The following COP1 variants were observed in gnomAD, a reference collection of about 807,000 sequenced individuals.
COP1 encodes E3 ubiquitin-protein ligase COP1.
COP1 carries 24 observed loss-of-function variants against 101.3 expected under a neutral mutation model. The ratio of observed to expected loss-of-function variants is 0.24; its 90% CI spans 0.17 to 0.33. The LOEUF is 0.33. COP1 is among the 10% of genes least tolerant of loss of function. COP1 has a pLI of 1.00. For missense variants in COP1, 663 were observed against 906.2 expected (o/e 0.73, Z 3.45); for synonymous variants, 347 against 341.9 (o/e 1.01, Z -0.17).
intron 18 of COP1, among the ~76,000 whole-genome samples, chr1:175,959,719 A>T (rs142508386): frequency 6.6e-6 from 1 of 152,234 alleles, no homozygotes; most frequent in South Asian, 2.1e-4. Flanking sequence ...TAATATACAC[A>T]TGTGGTAAAA....
intron 8 of COP1, among the ~76,000 whole-genome samples, chr1:176,128,642 T>G (rs1688422353): frequency 6.6e-6 from 1 of 152,018 alleles, no homozygotes; most frequent in Non-Finnish European, 1.5e-5. Flanking sequence ...TCTTAAAATC[T>G]GTCTGTAATC....
intron 11 of COP1, among the ~76,000 whole-genome samples, chr1:176,069,044 C>T (rs1443388062): frequency 6.6e-6 from 1 of 152,042 alleles, no homozygotes; most frequent in Non-Finnish European, 1.5e-5. Context: ...AAAAATTAGC[C>T]AGGCGTGGTG....
chr1:176,163,043 A>C (rs1265908340), intron 4 of COP1, 55 bp from the exon 5 acceptor site: 11 of 1,509,066 alleles, frequency 7.3e-6, no homozygotes, highest in Middle Eastern at 1.7e-4. Flanking sequence ...TGTTTTAGAG[A>C]CTAAAACAAA....
chr1:176,185,279 G>A (rs1187312274), intron 1 of COP1, among the ~76,000 whole-genome samples: 2 of 152,066 alleles, frequency 1.3e-5, no homozygotes, highest in Non-Finnish European at 2.9e-5. Context: ...CAACTACTAG[G>A]CACAGTTTAT....
intron 2 of COP1, among the ~76,000 whole-genome samples, chr1:176,179,587 A>T (rs1331394703): frequency 6.6e-6 from 1 of 152,026 alleles, no homozygotes. Flanking sequence ...TTTAAAAATT[A>T]GCCATGCATG....
intron 9 of COP1, among the ~76,000 whole-genome samples, chr1:176,096,727 T>C (rs1185592366): frequency 6.6e-6 from 1 of 152,240 alleles, no homozygotes; most frequent in African/African-American, 2.4e-5. Flanking sequence ...CTATCACTGT[T>C]TATATTCTCT....
At chr1:176,054,229 C>T (rs972673887) in intron 11 of COP1, among the ~76,000 whole-genome samples, 2 of 150,354 alleles carry the variant, frequency 1.3e-5, no homozygotes, top group Non-Finnish European at 2.9e-5. Flanking sequence ...GGCATGATCT[C>T]GGCTCACTGC....
intron 15 of COP1, among the ~76,000 whole-genome samples, chr1:176,007,684 G>A (rs1663656259): frequency 6.6e-6 from 1 of 152,112 alleles, no homozygotes; most frequent in Non-Finnish European, 1.5e-5. Context: ...ACCCACTTGA[G>A]GAGGCAGTCT....
chr1:175,979,530 C>T (rs1355311879), intron 18 of COP1, among the ~76,000 whole-genome samples: 4 of 148,606 alleles, frequency 2.7e-5, no homozygotes, highest in African/African-American at 9.9e-5. Flanking sequence ...TGTGAAATGT[C>T]ATAACGTGAT....
chr1:176,188,322 AG>A (rs1698720579), intron 1 of COP1, among the ~76,000 whole-genome samples: 1 of 152,186 alleles, frequency 6.6e-6, no homozygotes, highest in Admixed American at 6.5e-5. Context: ...TTCCCAAGAA[AG>A]GGATGAAAAA....
At chr1:175,992,603 C>G (rs553802292) in intron 15 of COP1, among the ~76,000 whole-genome samples, 2 of 152,374 alleles carry the variant, frequency 1.3e-5, no homozygotes, top group African/African-American at 4.8e-5. Flanking sequence ...TATCCCGCAC[C>G]TGGCTCGGAG....
At chr1:176,000,493 T>C (rs1426727538) in intron 15 of COP1, among the ~76,000 whole-genome samples, 1 of 152,092 alleles carries the variant, frequency 6.6e-6, no homozygotes, top group African/African-American at 2.4e-5. Context: ...GTCTGCACTA[T>C]GAAGTTATAA....
rs115614909 is a variant in COP1, at chr1:176,186,742, G to A, written c.408-2050C>T. ...GGAAGCCAAGTGTAGAAATGGTTAC[G>A]GAAGCTATCATAATCCAGTGAGAAA... On this transcript the variant is annotated intron_variant, in intron 1 of 19. Transcript: ENST00000367669. 8.8e-4 allele frequency among the ~76,000 whole-genome samples: 134 copies of A among 152,154 alleles called. 1 individual carries two copies. In the Middle Eastern group the frequency reaches 0.01, roughly 12 times the overall value.
rs58699487 is a variant in COP1, at chr1:176,167,406, CTGAATGAATGAA to C, written c.566-3527_566-3516del. The stretch of plus-strand genomic sequence containing the variant: ...ACGCATAGTAGGCGCCTGGTATTTG[CTGAATGAATGAA>C]TGAATGAATGAATGAATGAATGAAT... On this transcript the variant is annotated intron_variant, in intron 3 of 19. Transcript: ENST00000367669. Among the ~76,000 whole-genome samples, 1,193 of 150,960 alleles carry C rather than the reference CTGAATGAATGAA, an allele frequency of 7.9e-3. 15 individuals are homozygous for C. Among genetic ancestry groups the C allele is most frequent in the Middle Eastern group, 0.041 (12 of 294 alleles).
intron 18 of COP1, among the ~76,000 whole-genome samples, chr1:175,950,402 TA>T (rs1490445343): frequency 6.6e-6 from 1 of 152,170 alleles, no homozygotes; most frequent in African/African-American, 2.4e-5. Context: ...TAAGATAAAT[TA>T]TTTTTTTTTT....
At position 176,086,874 on chromosome 1, in the gene COP1, G is replaced by T. The variant is rs142165867; in HGVS notation, c.1027-984C>A. On this transcript the variant is annotated intron_variant, in intron 9 of 19. Transcript: ENST00000367669. ...CTTCAAACTATACTACAAGGCTACA[G>T]TAACCAAAACAGCATGGTACTGGTA... Among the ~76,000 whole-genome samples the T allele has an allele frequency of 2.6e-3, 400 of 152,288 alleles. 3 individuals are homozygous for T. Among genetic ancestry groups the T allele is most frequent in the African/African-American group, 9.2e-3 (382 of 41,556 alleles).
chr1:176,012,120 G>A (rs1571664620), intron 15 of COP1, among the ~76,000 whole-genome samples: 3 of 152,202 alleles, frequency 2.0e-5, no homozygotes, highest in Non-Finnish European at 2.9e-5. Context: ...AGAGTTTGAA[G>A]CTGCAGTGTG....
chr1:176,064,357 G>A (rs1332248738), intron 11 of COP1, among the ~76,000 whole-genome samples: 1 of 152,102 alleles, frequency 6.6e-6, no homozygotes, highest in African/African-American at 2.4e-5. Flanking sequence ...CAGGACATAT[G>A]TATATACTGC....
chr1:176,154,009 A>G (rs996149110), intron 5 of COP1, among the ~76,000 whole-genome samples: 1 of 152,014 alleles, frequency 6.6e-6, no homozygotes, highest in Non-Finnish European at 1.5e-5. Context: ...TTTGTTGAGG[A>G]TTTTTGCATG....
Sources: gnomAD v4.1 joint callset for allele counts (sites outside exome capture counted in the v4.1 genomes callset) on GRCh38, gnomAD v4.1.1 for gene constraint, MANE v1.5 for transcripts, NCBI Gene and HGNC (gene_info 2026-07-23, HGNC 2026-07-21) for gene names.